Variants in PHTF2 observed in about 807,000 individuals in gnomAD.
PHTF2 encodes putative homeodomain transcription factor 2, also known as protein PHTF2.
In PHTF2, 60 loss-of-function variants were observed where a neutral mutation model predicts 101.2. That is an observed-to-expected ratio of 0.59 (90% CI 0.48 to 0.73). The LOEUF is 0.73. Among genes scored for constraint, PHTF2 ranks in the 30% least tolerant of loss-of-function variants. The pLI, the probability that PHTF2 is intolerant of heterozygous loss-of-function variation, is 0.00. For missense variants in PHTF2, 747 were observed against 908.7 expected (o/e 0.82, Z 2.29); for synonymous variants, 311 against 307.3 (o/e 1.01, Z -0.13).
At chr7:77,808,984 G>T (rs548771719) in intron 1 of PHTF2, among the ~76,000 whole-genome samples, 29 of 152,162 alleles carry the variant, frequency 1.9e-4, no homozygotes, top group African/African-American at 6.3e-4. Flanking sequence ...TGTATATTGA[G>T]TTTTGAAGTA....
chr7:77,871,392 G>A (rs527477185), intron 3 of PHTF2, among the ~76,000 whole-genome samples: 16 of 152,264 alleles, frequency 1.1e-4, no homozygotes, highest in African/African-American at 3.8e-4. Context: ...GGTAGGGGGA[G>A]CCCAAAGTGT....
intron 1 of PHTF2, among the ~76,000 whole-genome samples, chr7:77,811,256 A>G (rs1316010642): frequency 6.6e-6 from 1 of 152,238 alleles, no homozygotes; most frequent in Non-Finnish European, 1.5e-5. Context: ...TGTACTTTCC[A>G]GTGCATTATA....
chr7:77,828,046 T>G (rs773127854), intron 1 of PHTF2, among the ~76,000 whole-genome samples: 15 of 152,236 alleles, frequency 9.9e-5, no homozygotes, highest in Non-Finnish European at 2.9e-5. Context: ...GTTAACTCTT[T>G]AAGCCATTTA....
intron 12 of PHTF2, among the ~76,000 whole-genome samples, chr7:77,932,471 A>G (rs949094251): frequency 2.0e-5 from 3 of 152,128 alleles, no homozygotes; most frequent in Non-Finnish European, 4.4e-5. Flanking sequence ...CAAGGGATCT[A>G]CTGGCAATAA....
intron 3 of PHTF2, among the ~76,000 whole-genome samples, chr7:77,891,619 C>T (rs1345495419): frequency 6.6e-6 from 1 of 151,910 alleles, no homozygotes; most frequent in African/African-American, 2.4e-5. Context: ...AGGCAGAATA[C>T]TCTGCTGCCC....
intron 1 of PHTF2, among the ~76,000 whole-genome samples, chr7:77,821,687 C>T (rs967209227): frequency 6.6e-6 from 1 of 152,020 alleles, no homozygotes; most frequent in Admixed American, 6.6e-5. Context: ...CTCAGCCAGC[C>T]TGGGAATGAA....
At chr7:77,829,723 T>G (rs1236970187) in intron 1 of PHTF2, among the ~76,000 whole-genome samples, 2 of 152,244 alleles carry the variant, frequency 1.3e-5, no homozygotes, top group Non-Finnish European at 2.9e-5. Flanking sequence ...TTTCTTGTTT[T>G]GGTTGTGGTG....
intron 9 of PHTF2, among the ~76,000 whole-genome samples, chr7:77,915,259 G>A (rs977116360): frequency 6.7e-6 from 1 of 149,944 alleles, no homozygotes; most frequent in Non-Finnish European, 1.5e-5. Flanking sequence ...TCACTCTGTT[G>A]CCAGGCTGGA....
chr7:77,828,078 A>G (rs1168061600), intron 1 of PHTF2, among the ~76,000 whole-genome samples: 3 of 152,216 alleles, frequency 2.0e-5, no homozygotes, highest in Non-Finnish European at 4.4e-5. Context: ...GTCCATTACT[A>G]TTTTGATAAA....
intron 3 of PHTF2, among the ~76,000 whole-genome samples, chr7:77,879,917 T>A (rs1799268250): frequency 6.6e-6 from 1 of 152,204 alleles, no homozygotes; most frequent in African/African-American, 2.4e-5. Flanking sequence ...AACACTTGAT[T>A]GTTAGTTGAG....
intron 5 of PHTF2, among the ~76,000 whole-genome samples, chr7:77,894,917 T>G (rs538463653): frequency 3.9e-5 from 6 of 152,260 alleles, no homozygotes; most frequent in African/African-American, 1.2e-4. Context: ...GAGACTAGTG[T>G]CATTAGGAGT....
chr7:77,832,395 G>C (rs1218231516), intron 1 of PHTF2, among the ~76,000 whole-genome samples: 1 of 152,246 alleles, frequency 6.6e-6, no homozygotes, highest in Non-Finnish European at 1.5e-5. Flanking sequence ...GAACTGGGAA[G>C]TAATGGATCC....
intron 3 of PHTF2, among the ~76,000 whole-genome samples, chr7:77,889,576 TC>T (rs1456828836): frequency 4.0e-5 from 6 of 149,798 alleles, no homozygotes; most frequent in African/African-American, 1.5e-4. Flanking sequence ...GGTAGTATTT[TC>T]TTTTTTTTTT....
At chr7:77,947,949 C>A (rs1806222924) in intron 16 of PHTF2, among the ~76,000 whole-genome samples, 1 of 146,012 alleles carries the variant, frequency 6.8e-6, no homozygotes, top group East Asian at 2.2e-4. Context: ...AGCAATTCTC[C>A]TGCCTCAGCC....
chr7:77,930,789 G>T (rs185623463), intron 12 of PHTF2, among the ~76,000 whole-genome samples: 1 of 152,288 alleles, frequency 6.6e-6, no homozygotes, highest in East Asian at 1.9e-4. Flanking sequence ...AAATAAGGGA[G>T]CTCTGGTCTC....
At chr7:77,908,620 G>A (rs529966405) in intron 7 of PHTF2, among the ~76,000 whole-genome samples, 173 bp from the exon 7 acceptor site, 1 of 152,242 alleles carries the variant, frequency 6.6e-6, no homozygotes, top group South Asian at 2.1e-4. Context: ...CCATGGTTAG[G>A]CTGCGGCAGA....
chr7:77,863,406 T>C (rs146709815), intron 3 of PHTF2, among the ~76,000 whole-genome samples: 1 of 152,338 alleles, frequency 6.6e-6, no homozygotes, highest in Non-Finnish European at 1.5e-5. Context: ...TATTTCTAAT[T>C]ACTGCTGTTT....
At chr7:77,886,086 T>G (rs1056289245) in intron 3 of PHTF2, among the ~76,000 whole-genome samples, 1 of 152,194 alleles carries the variant, frequency 6.6e-6, no homozygotes, top group African/African-American at 2.4e-5. Context: ...TATTTTTATT[T>G]GAGAATTCTT....
chr7:77,820,325 T>A (rs1375673121), intron 1 of PHTF2, among the ~76,000 whole-genome samples: 1 of 152,168 alleles, frequency 6.6e-6, no homozygotes, highest in Non-Finnish European at 1.5e-5. Flanking sequence ...TTCAAATTTA[T>A]TTGTGTATAG....
Sources: gnomAD v4.1 joint callset for allele counts (sites outside exome capture counted in the v4.1 genomes callset) on GRCh38, gnomAD v4.1.1 for gene constraint, MANE v1.5 for transcripts, NCBI Gene and HGNC (gene_info 2026-07-23, HGNC 2026-07-21) for gene names.